BTBD7: variants seen among roughly 807,000 people sequenced by gnomAD.
The protein encoded by BTBD7 is BTB domain containing 7.
A neutral mutation model predicts 99.9 loss-of-function variants in BTBD7; 38 were observed. The ratio of observed to expected loss-of-function variants is 0.38; its 90% CI spans 0.29 to 0.50. The LOEUF is 0.50. BTBD7 is among the 20% of genes least tolerant of loss of function. The probability of loss-of-function intolerance (pLI) is 0.93; values close to 1 mark genes in which losing one functional copy is unlikely to be tolerated. For missense variants in BTBD7, 1,170 were observed against 1,394.6 expected, an observed-to-expected ratio of 0.84 and a Z score of 2.57; for synonymous variants, 520 against 511.4, an observed-to-expected ratio of 1.02 and a Z score of -0.23.
chr14:93,328,467 C>T (rs1247152276), intron 1 of BTBD7, among the ~76,000 whole-genome samples: 3 of 151,744 alleles, frequency 2.0e-5, no homozygotes, highest in Non-Finnish European at 4.4e-5. Context: ...AACTTGTGGT[C>T]GAATAATTTT....
chr14:93,322,696 T>C (rs1444101142), intron 1 of BTBD7, among the ~76,000 whole-genome samples: 1 of 152,214 alleles, frequency 6.6e-6, no homozygotes, highest in African/African-American at 2.4e-5. Flanking sequence ...AGTAAAAAGC[T>C]AACAACCAGA....
intron 3 of BTBD7, among the ~76,000 whole-genome samples, chr14:93,268,577 T>C (rs2052567050): frequency 6.6e-6 from 1 of 152,054 alleles, no homozygotes; most frequent in East Asian, 1.9e-4. Flanking sequence ...CAAAGAAGGG[T>C]GTATTATTAT....
At chr14:93,260,744 G>A (rs1243186918) in intron 5 of BTBD7, among the ~76,000 whole-genome samples, 2 of 151,940 alleles carry the variant, frequency 1.3e-5, no homozygotes, top group African/African-American at 4.8e-5. Context: ...GTAGAGACAG[G>A]GTTTCTCCAT....
chr14:93,240,558 A>C lies in BTBD7; in HGVS notation c.*1715T>G, dbSNP rs2052213735. 6.6e-6 allele frequency: 1 copy of C among 152,636 alleles called. No individual in the cohort carries two copies. The highest frequency in any genetic ancestry group is 2.1e-4 in the South Asian group (1 of 4,832). The allele number at this position is 152,636 out of a possible 1,614,324, so 9.5% of individuals were successfully genotyped here. ...GATTCATAGTTTTTTATATATATAC[A>C]TACATAGAAAAGAGGATCCCAAATA... is the stretch of plus-strand genomic sequence containing the variant. On this transcript the variant is annotated 3_prime_UTR_variant, in exon 11 of 11. Transcript: ENST00000334746.
chr14:93,261,578 T>C (rs1336734292), intron 5 of BTBD7, 24 bp downstream of exon 5: 16 of 1,574,602 alleles, frequency 1.0e-5, no homozygotes, highest in Non-Finnish European at 1.4e-5. Context: ...AGGTAACTAG[T>C]GCAAGCTAAT....
chr14:93,254,954 G>A (rs1429986311), intron 6 of BTBD7, among the ~76,000 whole-genome samples: 1 of 152,074 alleles, frequency 6.6e-6, no homozygotes, highest in African/African-American at 2.4e-5. Flanking sequence ...TTTGATTTGA[G>A]TCCCAGGTTT....
At chr14:93,327,468 C>T (rs1378779073) in intron 1 of BTBD7, among the ~76,000 whole-genome samples, 1 of 152,102 alleles carries the variant, frequency 6.6e-6, no homozygotes, top group Non-Finnish European at 1.5e-5. Flanking sequence ...AAGATGATGC[C>T]TAAAACATCA....
chr14:93,323,195 C>A (rs1595343956), intron 1 of BTBD7, among the ~76,000 whole-genome samples: 2 of 151,828 alleles, frequency 1.3e-5, no homozygotes, highest in Middle Eastern at 6.8e-3. Flanking sequence ...ATCGCTTGAG[C>A]CCAGGAGTTT....
intron 3 of BTBD7, among the ~76,000 whole-genome samples, chr14:93,279,106 G>A (rs898934564): frequency 6.6e-6 from 1 of 152,056 alleles, no homozygotes; most frequent in Non-Finnish European, 1.5e-5. Context: ...CATTTCTTAC[G>A]GTCTTCACAT....
Position 93,245,898 on chromosome 14 carries a change from G to A in BTBD7, c.2510C>T (p.Thr837Met), listed in dbSNP as rs148508605. ...CTSTAGLGRQ[T>M]VAAAAATTTS... ...GGTGGTGGCGGCAGCAGCAGCCACC[G>A]TCTGTCTGCCCAGTCCTGCAGTGCT... is the stretch of plus-strand genomic sequence containing the variant. Residue 837 changes from threonine to methionine, a missense_variant, in exon 10 of 11, where the codon ACG becomes ATG. By Grantham distance (81) the Thr-to-Met change is moderately conservative (BLOSUM62 -1). Around this residue, in one of 4 missense-constraint regions of BTBD7, gnomAD observed 495 missense variants for 525.9 expected, o/e 0.94. Transcript: ENST00000334746. 46 of 1,613,840 alleles carry A rather than the reference G, an allele frequency of 2.9e-5. 1 individual carries two copies. The highest frequency in any genetic ancestry group is 1.1e-4 in the African/African-American group (8 of 74,904).
chr14:93,300,702 ATTTGTGTGTGTGTGTG>A lies in BTBD7; in HGVS notation c.-106-4561_-106-4546del, dbSNP rs2052985223. 1.2e-4 allele frequency among the ~76,000 whole-genome samples: 13 copies of A among 107,562 alleles called. No homozygotes were observed. The East Asian group carries it at 2.0e-3, about 16-fold the overall frequency. The allele number at this position is 107,562 out of a possible 152,430, so 70.6% of individuals were successfully genotyped here. A position where few individuals can be genotyped will look rare whatever the true frequency, so the allele number is the denominator to read the frequency against. ...AGGCGTGTGCCATCATGCCCAGCTA[ATTTGTGTGTGTGTGTG>A]TGTGTGTGTGTGTGTGTGTGTGTGT... On this transcript the variant is annotated intron_variant, in intron 1 of 10. Coordinates refer to ENST00000334746, the MANE Select transcript of BTBD7 (RefSeq NM_001002860.4).
chr14:93,260,048 C>T (rs566700107), intron 5 of BTBD7, among the ~76,000 whole-genome samples: 7 of 152,080 alleles, frequency 4.6e-5, no homozygotes, highest in East Asian at 3.9e-4. Context: ...TTTTTGCCAG[C>T]CACAGAAAAA....
At position 93,332,809 on chromosome 14, in the gene BTBD7, G is replaced by C. The variant is rs575873770; in HGVS notation, c.-107+11C>G. The C allele has an allele frequency of 5.6e-5, 83 of 1,476,878 alleles. 1 individual carries two copies. In the East Asian group the frequency reaches 9.9e-4, roughly 18 times the overall value. 91.5% of individuals were successfully genotyped at this position (1,476,878 alleles called of 1,614,324 possible). ...GGCTCCACAGCCTCAGAGACACCAA[G>C]GGACACTCACCCCGGAGGCTCCTCC... On this transcript the variant is annotated intron_variant, in intron 1 of 10. Transcript: ENST00000334746.
chr14:93,283,427 C>A (rs2052743166), intron 3 of BTBD7, among the ~76,000 whole-genome samples: 1 of 152,176 alleles, frequency 6.6e-6, no homozygotes, highest in South Asian at 2.1e-4. Flanking sequence ...TTAATGGATT[C>A]TACTACAAAT....
chr14:93,254,184 A>AC (rs1480371380), intron 6 of BTBD7, among the ~76,000 whole-genome samples: 1 of 152,050 alleles, frequency 6.6e-6, no homozygotes, highest in Non-Finnish European at 1.5e-5. Flanking sequence ...TGATCTGCCC[A>AC]CCTCGGCCTC....
chr14:93,288,863 C>T (rs1745934464), intron 3 of BTBD7: 3 of 1,102,166 alleles, frequency 2.7e-6, no homozygotes, highest in Admixed American at 6.0e-5. Context: ...ATTTGCCTGG[C>T]TGGTATTACA....
chr14:93,282,732 T>C (rs1178514455), intron 3 of BTBD7, among the ~76,000 whole-genome samples: 3 of 152,190 alleles, frequency 2.0e-5, no homozygotes, highest in Non-Finnish European at 2.9e-5. Context: ...CTTCTGTCAT[T>C]TTCCCTCTTT....
intron 1 of BTBD7, among the ~76,000 whole-genome samples, chr14:93,319,158 A>G (rs539950590): frequency 1.3e-5 from 2 of 152,224 alleles, no homozygotes; most frequent in Admixed American, 1.3e-4. Context: ...GTGAGCAGTG[A>G]GCCATGACTG....
chr14:93,276,814 T>C (rs901593274), intron 3 of BTBD7, among the ~76,000 whole-genome samples: 1 of 151,832 alleles, frequency 6.6e-6, no homozygotes, highest in Non-Finnish European at 1.5e-5. Flanking sequence ...CTTTAGTAAC[T>C]TAGTAGAGGA....
Sources: gnomAD v4.1 joint callset for allele counts (sites outside exome capture counted in the v4.1 genomes callset) on GRCh38, gnomAD v4.1.1 for gene constraint, gnomAD v4.1.1 regional missense constraint, MANE v1.5 for transcripts, NCBI Gene and HGNC (gene_info 2026-07-23, HGNC 2026-07-21) for gene names.